The following CLCN4 variants were observed in gnomAD, a reference collection of about 807,000 sequenced individuals.
CLCN4 encodes H(+)/Cl(-) exchange transporter 4.
CLCN4 carries 1 observed loss-of-function variant against 41.7 expected under a neutral mutation model. The ratio of observed to expected loss-of-function variants is 0.02; its 90% CI spans 0.01 to 0.11. CLCN4 has a LOEUF of 0.11. Among genes scored for constraint, CLCN4 ranks in the 10% least tolerant of loss-of-function variants. The pLI is 1.00. For missense variants in CLCN4, 287 were observed against 661.0 expected (o/e 0.43, Z 6.20); for synonymous variants, 277 against 285.8 (o/e 0.97, Z 0.31).
intron 12 of CLCN4, among the ~76,000 whole-genome samples, chrX:10,224,177 C>T (rs1924925752): frequency 9.0e-6 from 1 of 110,556 alleles, no homozygotes; most frequent in African/African-American, 3.3e-5. Context: ...TTAGACATTA[C>T]AGTCACAGAG....
chrX:10,212,681 G>A (rs369910318), intron 10 of CLCN4, 28 bp downstream of exon 10: 6 of 1,167,684 alleles, frequency 5.1e-6, no homozygotes, highest in Non-Finnish European at 7.0e-6. Context: ...GCAGGGAGGG[G>A]GACCGGGGAA....
At chrX:10,172,820 C>T (rs1189723945) in intron 2 of CLCN4, among the ~76,000 whole-genome samples, 1 of 112,138 alleles carries the variant, frequency 8.9e-6, no homozygotes, top group Non-Finnish European at 1.9e-5. Flanking sequence ...TAGCCTCAAA[C>T]ATTCATGCCA....
At chrX:10,195,688 C>G (rs969480836) in intron 5 of CLCN4, among the ~76,000 whole-genome samples, 3 of 112,100 alleles carry the variant, frequency 2.7e-5, no homozygotes, top group African/African-American at 9.7e-5. Flanking sequence ...ACTAATCTAC[C>G]TTTTGTCTCT....
intron 11 of CLCN4, among the ~76,000 whole-genome samples, chrX:10,216,897 G>GTGTGTATATATATATATATATA (rs1411470927): frequency 4.8e-5 from 1 of 20,824 alleles, no homozygotes; most frequent in African/African-American, 1.6e-4. Context: ...GTGTGTGTGT[G>GTGTGTATATATATATATATATA]TATATATATA....
intron 12 of CLCN4, among the ~76,000 whole-genome samples, chrX:10,225,304 A>C (rs1018809502): frequency 5.3e-5 from 6 of 112,224 alleles, no homozygotes; most frequent in South Asian, 3.7e-4. Flanking sequence ...CTGATGTGAG[A>C]TGGCATCTCA....
At chrX:10,195,449 GA>G (rs1321087443) in intron 5 of CLCN4, among the ~76,000 whole-genome samples, 3 of 111,642 alleles carry the variant, frequency 2.7e-5, no homozygotes, top group Non-Finnish European at 5.6e-5. Context: ...TTCTAATTGA[GA>G]AGAACATAAC....
chrX:10,216,599 T>C (rs1312267178), intron 11 of CLCN4, among the ~76,000 whole-genome samples: 1 of 110,219 alleles, frequency 9.1e-6, no homozygotes, highest in African/African-American at 3.3e-5. Flanking sequence ...TCAGGTTTTT[T>C]TGGTCTGGTG....
At chrX:10,216,810 C>T (rs190081376) in intron 11 of CLCN4, among the ~76,000 whole-genome samples, 52 of 98,859 alleles carry the variant, frequency 5.3e-4, no homozygotes, top group Non-Finnish European at 8.2e-4. Context: ...GGTTTCTGCC[C>T]GGGAGGGCTG....
chrX:10,226,469 A>C (rs1210344201), intron 12 of CLCN4, among the ~76,000 whole-genome samples: 4 of 111,623 alleles, frequency 3.6e-5, no homozygotes. Flanking sequence ...ACACCCTAAC[A>C]TCATAACTAA....
chrX:10,169,225 G>C (rs1167390375), intron 2 of CLCN4, among the ~76,000 whole-genome samples: 1 of 111,762 alleles, frequency 8.9e-6, no homozygotes, highest in Non-Finnish European at 1.9e-5. Flanking sequence ...GAAACTTCTT[G>C]AGAGAGCTTA....
chrX:10,193,407 T>TA (rs1924018216), intron 4 of CLCN4, among the ~76,000 whole-genome samples: 1 of 111,736 alleles, frequency 8.9e-6, no homozygotes, highest in Non-Finnish European at 1.9e-5. Flanking sequence ...GAGCATAGTA[T>TA]AAAAAGAGAA....
At chrX:10,187,660 C>T (rs762498580) in intron 4 of CLCN4, 46 bp downstream of exon 4, 69 of 1,004,441 alleles carry the variant, frequency 6.9e-5, no homozygotes, top group Non-Finnish European at 8.9e-5. Flanking sequence ...CTGCAGAGGC[C>T]GAAACCTCAA....
chrX:10,164,974 C>T (rs556007670), intron 2 of CLCN4, among the ~76,000 whole-genome samples: 1 of 112,696 alleles, frequency 8.9e-6, no homozygotes, highest in South Asian at 3.7e-4. Flanking sequence ...GCCACTGAGT[C>T]TCTGAATTGG....
intron 4 of CLCN4, among the ~76,000 whole-genome samples, chrX:10,191,073 A>G (rs1314859351): frequency 8.9e-6 from 1 of 112,062 alleles, no homozygotes; most frequent in Non-Finnish European, 1.9e-5. Context: ...AAAGTATACA[A>G]TTCAGTGGTT....
chrX:10,195,617 A>T (rs962120102), intron 5 of CLCN4, among the ~76,000 whole-genome samples: 3 of 111,959 alleles, frequency 2.7e-5, no homozygotes, highest in Non-Finnish European at 3.8e-5. Context: ...CATCCTTTCC[A>T]AAACTCTGTC....
intron 6 of CLCN4, among the ~76,000 whole-genome samples, chrX:10,199,161 G>T (rs1181018714): frequency 1.8e-5 from 2 of 112,510 alleles, no homozygotes; most frequent in Admixed American, 1.9e-4. Flanking sequence ...TTACCAACCT[G>T]TTTTCTCAGC....
intron 2 of CLCN4, among the ~76,000 whole-genome samples, chrX:10,164,966 C>T (rs1170413777): frequency 8.9e-6 from 1 of 112,594 alleles, no homozygotes; most frequent in Non-Finnish European, 1.9e-5. Flanking sequence ...TTGTTCCTGC[C>T]ACTGAGTCTC....
chrX:10,159,374 C>T (rs1923037107), intron 2 of CLCN4, among the ~76,000 whole-genome samples: 2 of 110,560 alleles, frequency 1.8e-5, no homozygotes, highest in Admixed American at 1.9e-4. Flanking sequence ...TTGATGACAG[C>T]GCCAGATGGA....
At chrX:10,157,477 A>G (rs1481750398) in intron 1 of CLCN4, among the ~76,000 whole-genome samples, 1 of 113,108 alleles carries the variant, frequency 8.8e-6, no homozygotes, top group Non-Finnish European at 1.9e-5. Context: ...CAATTGGAAT[A>G]CAAATAAAAG....
Sources: allele counts gnomAD v4.1 joint callset (sites outside exome capture counted in the v4.1 genomes callset), GRCh38; gene constraint gnomAD v4.1.1; transcripts MANE v1.5; gene names NCBI Gene and HGNC (gene_info 2026-07-23, HGNC 2026-07-21).